Variants in FBXO36 observed in about 807,000 individuals in gnomAD.
FBXO36 encodes F-box only protein 36.
In FBXO36, 18 loss-of-function variants were observed where a neutral mutation model predicts 17.0. That is an observed-to-expected ratio of 1.06 (90% CI 0.73 to 1.57). FBXO36 has a LOEUF of 1.57. Ranked by LOEUF, FBXO36 falls within the 40% of genes most tolerant of loss-of-function variation. The probability of loss-of-function intolerance (pLI) is 0.00; values close to 1 mark genes in which losing one functional copy is unlikely to be tolerated. For synonymous variants in FBXO36, 83 were observed against 85.3 expected, an observed-to-expected ratio of 0.97 and a Z score of 0.15; for missense variants, 229 against 221.9, an observed-to-expected ratio of 1.03 and a Z score of -0.20.
chr2:229,951,715 T>C (rs374516027), intron 1 of FBXO36, among the ~76,000 whole-genome samples: 16 of 152,362 alleles, frequency 1.1e-4, no homozygotes, highest in African/African-American at 3.8e-4. Context: ...TCCATTTTAG[T>C]TGGTCTGCTC....
At chr2:229,954,456 T>C (rs1313112978) in intron 1 of FBXO36, among the ~76,000 whole-genome samples, 2 of 151,364 alleles carry the variant, frequency 1.3e-5, no homozygotes, top group African/African-American at 4.9e-5. Flanking sequence ...TTGGCTAGGC[T>C]GTTCTCAAAC....
At chr2:229,954,234 A>ATTGTTTTTTTTTTTTTT (rs2077072349) in intron 1 of FBXO36, among the ~76,000 whole-genome samples, 1 of 71,378 alleles carries the variant, frequency 1.4e-5, no homozygotes, top group Non-Finnish European at 2.6e-5. Flanking sequence ...AACCCTTTGG[A>ATTGTTTTTTTTTTTTTT]TTTTTTTTTT....
chr2:229,936,054 GGTGGAC>G (rs2076962167), intron 1 of FBXO36, among the ~76,000 whole-genome samples: 1 of 152,164 alleles, frequency 6.6e-6, no homozygotes, highest in Admixed American at 6.6e-5. Context: ...TGGGTGTGGT[GGTGGAC>G]GCTTGTAATC....
intron 1 of FBXO36, among the ~76,000 whole-genome samples, chr2:229,943,456 G>C (rs1408785240): frequency 1.3e-5 from 2 of 152,136 alleles, no homozygotes; most frequent in African/African-American, 4.8e-5. Context: ...GCTGTGGGAC[G>C]GGCAGTGTGA....
intron 1 of FBXO36, among the ~76,000 whole-genome samples, chr2:229,938,546 G>A (rs1443997581): frequency 1.6e-4 from 24 of 147,838 alleles, no homozygotes; most frequent in African/African-American, 5.8e-4. Flanking sequence ...ATGCAATGGC[G>A]CCATCTCGGC....
intron 1 of FBXO36, chr2:229,938,012 G>A (rs2076973896): frequency 6.6e-6 from 1 of 152,482 alleles, no homozygotes; most frequent in Non-Finnish European, 1.5e-5. Context: ...TGTCGCCCCA[G>A]GGTGGAGTGC....
chr2:229,961,556 A>G (rs919647062), intron 1 of FBXO36, among the ~76,000 whole-genome samples: 1 of 151,940 alleles, frequency 6.6e-6, no homozygotes, highest in African/African-American at 2.4e-5. Flanking sequence ...TTGTATTTTT[A>G]GTAGAGACGG....
intron 1 of FBXO36, among the ~76,000 whole-genome samples, chr2:229,968,751 A>C (rs2077166290): frequency 6.6e-6 from 1 of 152,058 alleles, no homozygotes; most frequent in South Asian, 2.1e-4. Flanking sequence ...TACAAGCATG[A>C]GCCACCATGC....
At chr2:229,959,857 G>A (rs899167116) in intron 1 of FBXO36, among the ~76,000 whole-genome samples, 2 of 150,610 alleles carry the variant, frequency 1.3e-5, no homozygotes, top group Admixed American at 6.6e-5. Flanking sequence ...AAAAAAAAAA[G>A]AATACTGCCA....
chr2:229,971,145 G>C (rs2077178017), intron 1 of FBXO36, among the ~76,000 whole-genome samples: 1 of 152,096 alleles, frequency 6.6e-6, no homozygotes, highest in Non-Finnish European at 1.5e-5. Flanking sequence ...CCTGAGGTCA[G>C]GAGTTTGAGA....
At chr2:229,936,359 A>G (rs958545333) in intron 1 of FBXO36, among the ~76,000 whole-genome samples, 1 of 152,158 alleles carries the variant, frequency 6.6e-6, no homozygotes, top group African/African-American at 2.4e-5. Context: ...ATGAATCCCT[A>G]TTACCTAGAC....
intron 1 of FBXO36, among the ~76,000 whole-genome samples, chr2:229,956,340 G>C (rs1314319917): frequency 6.6e-6 from 1 of 152,142 alleles, no homozygotes; most frequent in African/African-American, 2.4e-5. Flanking sequence ...GGGGCAAAGG[G>C]AACTTTCCCA....
chr2:229,953,065 C>T (rs1279389667), intron 1 of FBXO36, among the ~76,000 whole-genome samples: 1 of 152,174 alleles, frequency 6.6e-6, no homozygotes, highest in African/African-American at 2.4e-5. Context: ...CGGCCGGGTG[C>T]GGTGGCTCAC....
At chr2:229,965,871 T>TA (rs1485588253) in intron 1 of FBXO36, among the ~76,000 whole-genome samples, 1 of 152,196 alleles carries the variant, frequency 6.6e-6, no homozygotes, top group Non-Finnish European at 1.5e-5. Flanking sequence ...CAGCATGACT[T>TA]ACAATCCTTT....
intron 1 of FBXO36, among the ~76,000 whole-genome samples, chr2:229,938,761 T>C (rs1353580788): frequency 7.9e-6 from 1 of 126,992 alleles, no homozygotes; most frequent in African/African-American, 3.0e-5. Flanking sequence ...AAACCTTTTT[T>C]TTTTTTTTTT....
chr2:229,925,243 C>T (rs2076906330), intron 1 of FBXO36, among the ~76,000 whole-genome samples: 1 of 152,086 alleles, frequency 6.6e-6, no homozygotes, highest in African/African-American at 2.4e-5. Context: ...ATCCACTACA[C>T]TTCTACCAGT....
chr2:229,979,492 A>C (rs993280092), intron 2 of FBXO36, among the ~76,000 whole-genome samples: 6 of 151,490 alleles, frequency 4.0e-5, no homozygotes, highest in African/African-American at 7.3e-5. Context: ...AAATAGTTAA[A>C]AGTTGGGCTG....
At chr2:230,002,927 G>T (rs1413096379) in intron 3 of FBXO36, among the ~76,000 whole-genome samples, 1 of 151,980 alleles carries the variant, frequency 6.6e-6, no homozygotes, top group Non-Finnish European at 1.5e-5. Flanking sequence ...TTTGGGGAGG[G>T]TTGAAATATT....
intron 1 of FBXO36, among the ~76,000 whole-genome samples, chr2:229,947,373 T>C (rs1302384922): frequency 1.3e-5 from 2 of 152,138 alleles, no homozygotes; most frequent in African/African-American, 2.4e-5. Flanking sequence ...TGTGATACTA[T>C]AGTTGGGAAG....
Sources: gnomAD v4.1 joint callset for allele counts (sites outside exome capture counted in the v4.1 genomes callset) on GRCh38, gnomAD v4.1.1 for gene constraint, MANE v1.5 for transcripts, NCBI Gene and HGNC (gene_info 2026-07-23, HGNC 2026-07-21) for gene names.